STK32B: variants seen among roughly 807,000 people sequenced by gnomAD.
STK32B encodes serine/threonine-protein kinase 32B.
In STK32B, 43 loss-of-function variants were observed where a neutral mutation model predicts 52.6. The observed-to-expected ratio is 0.82, with a 90% CI of 0.64 to 1.05. STK32B has a LOEUF of 1.05. Among genes scored for constraint, STK32B ranks in the 50% least tolerant of loss-of-function variants. STK32B has a pLI of 0.00. For synonymous variants in STK32B, 238 were observed against 204.3 expected (o/e 1.17, Z -1.41); for missense variants, 621 against 534.6 (o/e 1.16, Z -1.59).
At chr4:5,035,726 A>G in the STK32B span, among the ~76,000 whole-genome samples, 2,960 of 152,266 alleles carry the variant, frequency 0.019, 101 homozygotes, top group African/African-American at 0.067. Flanking sequence ...TTGTATTCAA[A>G]GTCTGTACAA....
intron 4 of STK32B, among the ~76,000 whole-genome samples, chr4:5,343,922 T>A (rs1440901146): frequency 6.6e-6 from 1 of 152,226 alleles, no homozygotes; most frequent in Non-Finnish European, 1.5e-5. Context: ...AAGTTTTGCA[T>A]TCTACTCCGT....
At position 5,148,196 on chromosome 4, in the gene STK32B, ATAT is replaced by A. The variant is rs58242063; in HGVS notation, c.108+8240_108+8242del. Among the ~76,000 whole-genome samples, 49 of 151,852 alleles carry A rather than the reference ATAT, an allele frequency of 3.2e-4. 1 individual carries two copies. The East Asian group carries it at 8.7e-3, about 27-fold the overall frequency. On this transcript the variant is annotated intron_variant, in intron 2 of 11. Coordinates refer to ENST00000282908, the MANE Select transcript of STK32B (RefSeq NM_018401.3). ...ATTTGTTGGCACAAAGTAATTCATGATATTATCATAGGATCTTCTTAATTTTTG... is the reference window on the plus strand; with the variant it reads ...ATTTGTTGGCACAAAGTAATTCATGATATCATAGGATCTTCTTAATTTTTG...
chr4:5,052,725 C>G (rs1050229609), intron 1 of STK32B, among the ~76,000 whole-genome samples: 1 of 152,140 alleles, frequency 6.6e-6, no homozygotes, highest in African/African-American at 2.4e-5. Context: ...GTGAAAAGTG[C>G]CTTATAAATG....
At chr4:5,104,924 T>A (rs958081966) in intron 1 of STK32B, among the ~76,000 whole-genome samples, 9 of 152,240 alleles carry the variant, frequency 5.9e-5, no homozygotes, top group Non-Finnish European at 1.2e-4. Context: ...GCTCTCAATA[T>A]GTATTTGATA....
chr4:5,474,728 G>T (rs112692916), intron 11 of STK32B, among the ~76,000 whole-genome samples: 2,218 of 152,266 alleles, frequency 0.015, 47 homozygotes, highest in African/African-American at 0.05. Context: ...TGCTGGCCAT[G>T]GGGGAGCTAC....
chr4:5,113,242 G>A lies in STK32B; in HGVS notation c.53-26663G>A, dbSNP rs558482264. Among the ~76,000 whole-genome samples the A allele has an allele frequency of 1.2e-4, 18 of 152,278 alleles. No individual in the cohort carries two copies. In the South Asian group the frequency reaches 3.7e-3, roughly 32 times the overall value. ...AGACCCCTCGTCTCTTTCACCATGT[G>A]AGGACACAGCAAGAAGATGGCTATC... On this transcript the variant is annotated intron_variant, in intron 1 of 11. Transcript: ENST00000282908.
chr4:5,232,928 C>A (rs1724374509), intron 3 of STK32B, among the ~76,000 whole-genome samples: 1 of 152,114 alleles, frequency 6.6e-6, no homozygotes, highest in African/African-American at 2.4e-5. Context: ...TAGCTCCTTG[C>A]ATCTGAAGAT....
At chr4:5,254,543 T>A (rs1179966150) in intron 3 of STK32B, among the ~76,000 whole-genome samples, 1 of 152,200 alleles carries the variant, frequency 6.6e-6, no homozygotes, top group Non-Finnish European at 1.5e-5. Context: ...CCAGCATGGT[T>A]TTATGTAAGT....
At chr4:5,180,506 G>A (rs1720271075) in intron 3 of STK32B, among the ~76,000 whole-genome samples, 1 of 152,106 alleles carries the variant, frequency 6.6e-6, no homozygotes, top group African/African-American at 2.4e-5. Flanking sequence ...CTCTATCACA[G>A]CTGCTGTGAT....
At chr4:5,193,431 A>G (rs1329501478) in intron 3 of STK32B, among the ~76,000 whole-genome samples, 1 of 152,218 alleles carries the variant, frequency 6.6e-6, no homozygotes, top group Non-Finnish European at 1.5e-5. Context: ...GGCCTTTAGC[A>G]GAGGAGTCAG....
At chr4:5,217,860 T>C (rs1438943791) in intron 3 of STK32B, among the ~76,000 whole-genome samples, 5 of 152,184 alleles carry the variant, frequency 3.3e-5, no homozygotes, top group Non-Finnish European at 5.9e-5. Flanking sequence ...GGCTCTTGTT[T>C]ATTGAGAAAA....
At chr4:5,439,134 G>C (rs1304041263) in intron 6 of STK32B, among the ~76,000 whole-genome samples, 1 of 147,220 alleles carries the variant, frequency 6.8e-6, no homozygotes. Context: ...GGGATGGCTG[G>C]GTCAAATGGT....
At chr4:5,252,468 C>A (rs1726006266) in intron 3 of STK32B, among the ~76,000 whole-genome samples, 1 of 152,206 alleles carries the variant, frequency 6.6e-6, no homozygotes, top group Non-Finnish European at 1.5e-5. Context: ...GCCAGTGCTG[C>A]TGCACATCAT....
intron 7 of STK32B, among the ~76,000 whole-genome samples, chr4:5,447,788 G>C (rs554630947): frequency 6.6e-6 from 1 of 152,288 alleles, no homozygotes; most frequent in East Asian, 1.9e-4. Flanking sequence ...TCTATTTAGC[G>C]GAGCTGGAGT....
chr4:5,381,933 A>G (rs1735958626), intron 4 of STK32B, among the ~76,000 whole-genome samples: 4 of 152,126 alleles, frequency 2.6e-5, no homozygotes, highest in Admixed American at 2.6e-4. Context: ...GGCTTATGCG[A>G]TCATGGAGGT....
intron 1 of STK32B, among the ~76,000 whole-genome samples, chr4:5,122,005 G>A (rs1050553979): frequency 6.6e-6 from 1 of 152,224 alleles, no homozygotes; most frequent in Non-Finnish European, 1.5e-5. Flanking sequence ...AAGAGTGATT[G>A]TGTGTTCACA....
intron 3 of STK32B, among the ~76,000 whole-genome samples, chr4:5,315,730 C>T (rs1730631926): frequency 6.7e-6 from 1 of 149,308 alleles, no homozygotes; most frequent in African/African-American, 2.5e-5. Flanking sequence ...CCAGTTTCGC[C>T]CTGAGACTCC....
intron 3 of STK32B, among the ~76,000 whole-genome samples, chr4:5,323,845 C>T (rs1272389742): frequency 6.6e-6 from 1 of 152,192 alleles, no homozygotes; most frequent in African/African-American, 2.4e-5. Flanking sequence ...GCAATGGTGA[C>T]TTGGCCACAA....
chr4:5,369,195 T>C (rs558989944), intron 4 of STK32B, among the ~76,000 whole-genome samples: 1 of 151,770 alleles, frequency 6.6e-6, no homozygotes, highest in Non-Finnish European at 1.5e-5. Context: ...ATTGGAGATA[T>C]GAGGCCCAGA....
Sources: allele counts gnomAD v4.1 joint callset (sites outside exome capture counted in the v4.1 genomes callset), GRCh38; gene constraint gnomAD v4.1.1; transcripts MANE v1.5; gene names NCBI Gene and HGNC (gene_info 2026-07-23, HGNC 2026-07-21).